Variants in CASK observed in about 807,000 individuals in gnomAD.
CASK encodes the protein calcium/calmodulin dependent serine protein kinase.
In CASK, 4 loss-of-function variants were observed where a neutral mutation model predicts 82.9. The observed-to-expected ratio is 0.05, with a 90% confidence interval of 0.02 to 0.11. The LOEUF is 0.11. CASK is among the 10% of genes least tolerant of loss of function. The pLI is 1.00. For missense variants in CASK, 358 were observed against 720.9 expected, an observed-to-expected ratio of 0.50 and a Z score of 5.76; for synonymous variants, 259 against 253.5, an observed-to-expected ratio of 1.02 and a Z score of -0.20.
chrX:41,628,597 G>T (rs1432255160), intron 9 of CASK, among the ~76,000 whole-genome samples: 1 of 111,882 alleles, frequency 8.9e-6, no homozygotes, highest in African/African-American at 3.2e-5. Context: ...GAGCCACTGC[G>T]CCTGGCCAGA....
At chrX:41,568,506 G>A (rs943781141) in intron 16 of CASK, among the ~76,000 whole-genome samples, 1 of 110,515 alleles carries the variant, frequency 9.0e-6, no homozygotes, top group Non-Finnish European at 1.9e-5. Context: ...GTTACTTCTC[G>A]CTCTCTGGGG....
intron 24 of CASK, among the ~76,000 whole-genome samples, chrX:41,534,392 A>AACACACACAC (rs56349527): frequency 4.5e-4 from 41 of 91,224 alleles, no homozygotes; most frequent in African/African-American, 1.3e-3. Context: ...TTTTATTTAA[A>AACACACACAC]ACACACACAC....
At chrX:41,548,665 C>T (rs1199896756) in intron 21 of CASK, among the ~76,000 whole-genome samples, 1 of 111,391 alleles carries the variant, frequency 9.0e-6, no homozygotes, top group Non-Finnish European at 1.9e-5. Context: ...TCTTTTGGTG[C>T]AAGTCAATAT....
At chrX:41,602,527 ACT>A (rs1025445938) in intron 12 of CASK, among the ~76,000 whole-genome samples, 1 of 110,579 alleles carries the variant, frequency 9.0e-6, no homozygotes, top group African/African-American at 3.3e-5. Context: ...CAAGATAACA[ACT>A]CTGGGAAAGG....
intron 1 of CASK, among the ~76,000 whole-genome samples, chrX:41,921,817 T>C (rs139864276): frequency 3.2e-3 from 343 of 105,539 alleles, no homozygotes; most frequent in Middle Eastern, 9.6e-3. Context: ...TTTAAGGTCT[T>C]GGTTTCATTT....
rs2066474202 is a variant in CASK at position 41,631,953 on chromosome X, C to T, written c.915+4625G>A. On this transcript the variant is annotated intron_variant, in intron 9 of 26. Coordinates refer to ENST00000378163, the MANE Select transcript of CASK (RefSeq NM_001367721.1). Reference sequence around the variant, plus strand: ...GTCCCCACCCCGCTTATTTTTGAGACAGAGTCTTACTCTGTCACTCAGGCT... The same window carrying T: ...GTCCCCACCCCGCTTATTTTTGAGATAGAGTCTTACTCTGTCACTCAGGCT... Among the ~76,000 whole-genome samples the T allele has an allele frequency of 2.7e-5, 3 of 110,455 alleles. No individual in the cohort carries two copies. In the Admixed American group the frequency reaches 2.9e-4, roughly 11 times the overall value.
chrX:41,639,413 G>T (rs766297350), intron 8 of CASK, among the ~76,000 whole-genome samples: 5 of 89,416 alleles, frequency 5.6e-5, no homozygotes, highest in Non-Finnish European at 1.1e-4. Context: ...GTTTTGCCGA[G>T]AATAGATTGG....
intron 8 of CASK, among the ~76,000 whole-genome samples, chrX:41,638,396 T>A (rs2066593829): frequency 9.1e-6 from 1 of 109,396 alleles, no homozygotes; most frequent in Non-Finnish European, 1.9e-5. Flanking sequence ...TATGAAAAAA[T>A]TAAAAAATTA....
intron 3 of CASK, among the ~76,000 whole-genome samples, chrX:41,761,201 G>A (rs1420289083): frequency 8.9e-6 from 1 of 111,794 alleles, no homozygotes; most frequent in Non-Finnish European, 1.9e-5. Context: ...AAACGATGTA[G>A]ATATGAAAAC....
chrX:41,552,090 C>G (rs894328444), intron 21 of CASK, among the ~76,000 whole-genome samples: 2 of 98,043 alleles, frequency 2.0e-5, no homozygotes, highest in Non-Finnish European at 4.2e-5. Flanking sequence ...TCACACCTGG[C>G]TAATTTTTTT....
intron 16 of CASK, 135 bp downstream of exon 16, chrX:41,569,533 G>A (rs1355652508): frequency 2.2e-6 from 1 of 460,960 alleles, no homozygotes; most frequent in Non-Finnish European, 3.8e-6. Flanking sequence ...CTTGCACTTA[G>A]GAGCTCAAGA....
intron 2 of CASK, among the ~76,000 whole-genome samples, chrX:41,801,350 TC>T (rs749961957): frequency 9.0e-6 from 1 of 111,380 alleles, no homozygotes; most frequent in East Asian, 2.8e-4. Context: ...TCAAATAATT[TC>T]CCCACCCAAT....
chrX:41,727,885 T>G, intron 5 of CASK: 1 of 1,205,823 alleles, frequency 8.3e-7, no homozygotes, highest in Non-Finnish European at 1.1e-6. Context: ...ATTGAATTAT[T>G]TAATAGAAAC....
intron 20 of CASK, among the ~76,000 whole-genome samples, chrX:41,554,413 A>G (rs1286329027): frequency 8.9e-6 from 1 of 112,090 alleles, no homozygotes; most frequent in Non-Finnish European, 1.9e-5. Context: ...TTATATGACA[A>G]CTGGCAGTGT....
chrX:41,898,516 T>G (rs964750983), intron 1 of CASK, among the ~76,000 whole-genome samples: 1 of 111,582 alleles, frequency 9.0e-6, no homozygotes, highest in Non-Finnish European at 1.9e-5. Flanking sequence ...TTCCTCAAGG[T>G]GTAAAGTTAG....
At chrX:41,852,787 C>G (rs2071289548) in intron 2 of CASK, among the ~76,000 whole-genome samples, 1 of 110,179 alleles carries the variant, frequency 9.1e-6, no homozygotes, top group South Asian at 3.9e-4. Context: ...TATTTCACCT[C>G]CTTCCTTTCC....
intron 3 of CASK, among the ~76,000 whole-genome samples, chrX:41,752,904 G>A (rs2068822261): frequency 9.0e-6 from 1 of 111,582 alleles, no homozygotes. Flanking sequence ...TATGTCCTTC[G>A]GCTCAATTAT....
intron 5 of CASK, among the ~76,000 whole-genome samples, chrX:41,720,084 CA>C (rs1319890333): frequency 8.8e-6 from 1 of 113,323 alleles, no homozygotes; most frequent in Non-Finnish European, 1.9e-5. Flanking sequence ...TTACTTTTTA[CA>C]AAAGCTGATA....
At chrX:41,680,474 C>G (rs1468235559) in intron 5 of CASK, among the ~76,000 whole-genome samples, 4 of 109,008 alleles carry the variant, frequency 3.7e-5, no homozygotes, top group African/African-American at 1.3e-4. Context: ...AAGCGAGACT[C>G]TGTCTCAAAA....
Sources: gnomAD v4.1 joint callset for allele counts (sites outside exome capture counted in the v4.1 genomes callset) on GRCh38, gnomAD v4.1.1 for gene constraint, MANE v1.5 for transcripts, NCBI Gene and HGNC (gene_info 2026-07-23, HGNC 2026-07-21) for gene names.